The following URB1 variants were observed in gnomAD, a reference collection of about 807,000 sequenced individuals.
The protein encoded by URB1 is URB1 ribosome biogenesis factor.
A neutral mutation model predicts 242.3 loss-of-function variants in URB1; 197 were observed. That is an observed-to-expected ratio of 0.81 (90% CI 0.72 to 0.91). URB1 has a LOEUF of 0.91. Ranked by LOEUF, URB1 falls within the 40% of genes least tolerant of loss-of-function variation. The pLI, the probability that URB1 is intolerant of heterozygous loss-of-function variation, is 0.00. For synonymous variants in URB1, 1,153 were observed against 1,201.8 expected (o/e 0.96, Z 0.84); for missense variants, 2,721 against 2,860.5 (o/e 0.95, Z 1.11).
At chr21:32,366,024 G>A (rs2033342589) in intron 10 of URB1, among the ~76,000 whole-genome samples, 1 of 152,242 alleles carries the variant, frequency 6.6e-6, no homozygotes, top group South Asian at 2.1e-4. Flanking sequence ...TGCGGTGAAA[G>A]ACATGTGAAC....
At chr21:32,335,858 A>C (rs1158071307) in intron 28 of URB1, among the ~76,000 whole-genome samples, 1 of 152,262 alleles carries the variant, frequency 6.6e-6, no homozygotes, top group East Asian at 1.9e-4. Flanking sequence ...CCACAGTGCC[A>C]GTGAGCGGCA....
At position 32,392,915 on chromosome 21, in the gene URB1, G is replaced by A. The variant is rs1484874391; in HGVS notation, c.-5C>T. On this transcript the variant is annotated 5_prime_UTR_variant, in exon 1 of 39. Transcript: ENST00000382751. ...CTTCCTCTTGGGGACCCCCATGGCC[G>A]AGAGGGCGGAAGCGCGACGGAAACG... 6.6e-7 allele frequency: 1 copy of A among 1,509,864 alleles called. No individual in the cohort carries two copies. Among genetic ancestry groups the A allele is most frequent in the African/African-American group, 1.4e-5 (1 of 71,578 alleles). 93.5% of individuals were successfully genotyped at this position (1,509,864 alleles called of 1,614,324 possible).
Position 32,366,635 on chromosome 21 carries a change from A to G in URB1, c.1318T>C (p.Phe440Leu), listed in dbSNP as rs765229685. ...GGCCTTACGTTTAATGCTTGGGTGA[A>G]CATGCTCTTATTGCACACCAGGGGC... ...TVPLVCNKSM[F>L]TQALNLDSTS... is the part of the protein sequence containing the mutation. The change falls in exon 10 of 39, where the codon TTC (phenylalanine) becomes CTC (leucine). Residue 440 changes from phenylalanine to leucine, a missense_variant. Transcript: ENST00000382751. 1.3e-6 allele frequency: 2 copies of G among 1,551,472 alleles called. No homozygotes were observed. Among genetic ancestry groups the G allele is most frequent in the South Asian group, 1.2e-5 (1 of 84,044 alleles).
chr21:32,357,071 T>C (rs2033228957), intron 15 of URB1, among the ~76,000 whole-genome samples: 1 of 152,256 alleles, frequency 6.6e-6, no homozygotes, highest in African/African-American at 2.4e-5. Context: ...CCTACTGCTA[T>C]CATAAGACCT....
chr21:32,368,288 A>T lies in URB1; in HGVS notation c.1197+115T>A. 5.2e-6 allele frequency: 5 copies of T among 954,888 alleles called. No homozygotes were observed. In the South Asian group the frequency reaches 9.5e-5, roughly 18 times the overall value. 59.2% of individuals were successfully genotyped at this position (954,888 alleles called of 1,614,324 possible). ...TCGTCACGTTGGCCAGGCTGGTCTC[A>T]AACTCCTGACCTCAGGTAATCCGCC... is the stretch of plus-strand genomic sequence containing the variant. On this transcript the variant is annotated intron_variant, in intron 9 of 38. Transcript: ENST00000382751.
intron 20 of URB1, 133 bp from the exon 21 acceptor site, chr21:32,349,616 G>C: frequency 7.3e-6 from 6 of 820,042 alleles, no homozygotes; most frequent in Non-Finnish European, 1.1e-5. Context: ...CTCACAGAGT[G>C]TGTGAGACAC....
chr21:32,345,675 T>C, intron 22 of URB1, 100 bp from the exon 23 acceptor site: 1 of 1,272,286 alleles, frequency 7.9e-7, no homozygotes, highest in Non-Finnish European at 1.1e-6. Context: ...TTAGGTATCC[T>C]GTGACCCTGG....
Position 32,363,270 on chromosome 21 carries a change from C to T in URB1, c.1395G>A (p.Arg465=). The part of the protein sequence containing the change: ...ALSLISVILK[R]ALKTVDHCLN... Reference sequence around the variant, plus strand: ...GGCAGTGGTCAACAGTTTTTAATGCCCTCTTCAAAATGACAGAAATAAGGG... The same window carrying T: ...GGCAGTGGTCAACAGTTTTTAATGCTCTCTTCAAAATGACAGAAATAAGGG... Residue 465 remains arginine (R), a synonymous_variant, in exon 11 of 39, where the codon AGG becomes AGA. Coordinates refer to ENST00000382751, the MANE Select transcript of URB1 (RefSeq NM_014825.3). The T allele has an allele frequency of 6.4e-7, 1 of 1,551,818 alleles. No homozygotes were observed.
In URB1 at chr21:32,326,832, A is replaced by G. The variant is rs1317531567; in HGVS notation, c.4961-1443T>C. Among the ~76,000 whole-genome samples, 3 of 152,216 alleles carry G rather than the reference A, an allele frequency of 2.0e-5. 1 individual carries two copies. The highest frequency in any genetic ancestry group is 7.2e-5 in the African/African-American group (3 of 41,460). On this transcript the variant is annotated intron_variant, in intron 30 of 38. Coordinates refer to ENST00000382751, the MANE Select transcript of URB1 (RefSeq NM_014825.3). ...AACCTCTTTTCTTGATCAATTATCC[A>G]GTCTCGGGTTCTTTATACCAGTGCA...
chr21:32,382,178 T>G (rs538679320), intron 4 of URB1, among the ~76,000 whole-genome samples: 1 of 152,184 alleles, frequency 6.6e-6, no homozygotes, highest in African/African-American at 2.4e-5. Context: ...AGGGCTGAGA[T>G]CAAAAGAGAT....
chr21:32,374,502 G>T (rs551272941), intron 6 of URB1, among the ~76,000 whole-genome samples: 1 of 152,274 alleles, frequency 6.6e-6, no homozygotes, highest in Admixed American at 6.5e-5. Flanking sequence ...TTCCATAGGG[G>T]ATACAACACT....
rs1037337216 is a variant in URB1 at position 32,350,600 on chromosome 21, T to A, written c.2832+104A>T. 2.3e-6 allele frequency: 3 copies of A among 1,331,538 alleles called. No individual in the cohort carries two copies. In the African/African-American group the frequency reaches 4.4e-5, roughly 19 times the overall value. The allele number at this position is 1,331,538 out of a possible 1,614,324, so 82.5% of individuals were successfully genotyped here. A position where few individuals can be genotyped will look rare whatever the true frequency, so the allele number is the denominator to read the frequency against. On this transcript the variant is annotated intron_variant, in intron 20 of 38. Coordinates refer to ENST00000382751, the MANE Select transcript of URB1 (RefSeq NM_014825.3). ...GCACTTAAACTGCCTCTGCAGTGAG[T>A]TCCAGGGAGCAAGAGTGTGCTGGGC...
Position 32,372,568 on chromosome 21 carries a change from G to T in URB1, c.940C>A (p.Leu314Ile), listed in dbSNP as rs1383089765. ...ATTCCATGCTTGAGTGAACAGCAAA[G>T]ATCCATCAGGAAGTTATGAACAAGC... ...RELVHNFLMD[L>I]CCSLKHGINF... Residue 314 changes from leucine (L) to isoleucine (I), a missense_variant, in exon 8 of 39, where the codon CTT (leucine) becomes ATT (isoleucine). Leu to Ile is a conservative substitution (Grantham distance 5). Coordinates refer to ENST00000382751, the MANE Select transcript of URB1 (RefSeq NM_014825.3). The T allele has an allele frequency of 6.4e-7, 1 of 1,551,552 alleles. No individual in the cohort carries two copies. The highest frequency in any genetic ancestry group is 8.7e-7 in the Non-Finnish European group (1 of 1,146,998).
rs1378423216 is a variant in URB1, at chr21:32,311,702, C to T, written c.*3216G>A. The T allele has an allele frequency of 1.2e-6, 2 of 1,614,044 alleles. No individual in the cohort carries two copies. The highest frequency in any genetic ancestry group is 1.7e-4 in the Middle Eastern group (1 of 6,058). ...TTCACAGGAACAGCCCCAAGCACCACCAAACATGCCCCTGGAGTCACGGCC... is the reference window on the plus strand; with the variant it reads ...TTCACAGGAACAGCCCCAAGCACCATCAAACATGCCCCTGGAGTCACGGCC... On this transcript the variant is annotated 3_prime_UTR_variant, in exon 39 of 39. Coordinates refer to ENST00000382751, the MANE Select transcript of URB1 (RefSeq NM_014825.3).
intron 26 of URB1, among the ~76,000 whole-genome samples, chr21:32,337,948 G>C (rs138293349): frequency 8.5e-5 from 13 of 152,224 alleles, no homozygotes; most frequent in Middle Eastern, 3.4e-3. Flanking sequence ...TTTCAATCCA[G>C]GCATGTTTTC....
intron 1 of URB1, among the ~76,000 whole-genome samples, chr21:32,386,067 T>A (rs8126608): frequency 0.14 from 21,648 of 150,004 alleles, 1,986 homozygotes; most frequent in African/African-American, 0.27. Flanking sequence ...CAGAATTGTG[T>A]GAACTCAGGA....
Position 32,351,546 on chromosome 21 carries a change from G to A in URB1, c.2614-624C>T, listed in dbSNP as rs112653889. ...TAACATGCCCTGAAACTTGGTGGTT[G>A]TCAGTGTTCCCCAGGCCTGCAGCAG... On this transcript the variant is annotated intron_variant, in intron 19 of 38. Transcript: ENST00000382751. 5.6e-3 allele frequency among the ~76,000 whole-genome samples: 847 copies of A among 152,292 alleles called. 5 individuals are homozygous for A. The highest frequency in any genetic ancestry group is 0.02 in the African/African-American group (817 of 41,554).
At chr21:32,381,315 C>T (rs1371447807) in intron 4 of URB1, among the ~76,000 whole-genome samples, 5 of 152,108 alleles carry the variant, frequency 3.3e-5, no homozygotes, top group East Asian at 1.9e-4. Flanking sequence ...TAAAACTGCT[C>T]TTTGGCACAG....
chr21:32,363,439 G>T, intron 10 of URB1, 110 bp from the exon 11 acceptor site: 7 of 1,300,360 alleles, frequency 5.4e-6, no homozygotes, highest in Non-Finnish European at 7.3e-6. Flanking sequence ...AGGGAAAGCT[G>T]CATGAAACTG....
Sources: gnomAD v4.1 joint callset for allele counts (sites outside exome capture counted in the v4.1 genomes callset) on GRCh38, gnomAD v4.1.1 for gene constraint, MANE v1.5 for transcripts, NCBI Gene and HGNC (gene_info 2026-07-23, HGNC 2026-07-21) for gene names.